The following ZNF574 variants were observed in gnomAD, a reference collection of about 807,000 sequenced individuals.
ZNF574 encodes zinc finger protein 574.
In ZNF574, 25 loss-of-function variants were observed where a neutral mutation model predicts 56.6. The ratio of observed to expected loss-of-function variants is 0.44; its 90% confidence interval spans 0.32 to 0.62. The LOEUF is 0.62. Among genes scored for constraint, ZNF574 ranks in the 20% least tolerant of loss-of-function variants. ZNF574 has a pLI of 0.04. For synonymous variants in ZNF574, 543 were observed against 492.1 expected (o/e 1.10, Z -1.37); for missense variants, 1,065 against 1,218.9 (o/e 0.87, Z 1.88).
At chr19:42,078,456 G>A in intron 1 of ZNF574, 131 bp from the exon 2 acceptor site, 2 of 790,526 alleles carry the variant, frequency 2.5e-6, no homozygotes, top group East Asian at 5.0e-5. Context: ...TGGGAGGGAG[G>A]CAGAATTTTA....
upstream of ZNF574, among the ~76,000 whole-genome samples, chr19:42,073,262 TTC>T (rs2076436320): frequency 6.6e-6 from 1 of 152,226 alleles, no homozygotes; most frequent in Non-Finnish European, 1.5e-5. Flanking sequence ...GCATGACAGT[TTC>T]TCTCTCATAG....
At chr19:42,071,400 C>T (rs978366922), upstream of ZNF574, among the ~76,000 whole-genome samples, 3 of 152,258 alleles carry the variant, frequency 2.0e-5, no homozygotes, top group East Asian at 5.8e-4. Context: ...GACACTGACA[C>T]ACTCACGTGC....
intron 1 of ZNF574, among the ~76,000 whole-genome samples, chr19:42,076,856 GTTAAA>G (rs1391239006): frequency 6.6e-6 from 1 of 152,104 alleles, no homozygotes. Flanking sequence ...AATGGATGGG[GTTAAA>G]TTAATGTGAA....
chr19:42,079,316 T>C lies in ZNF574; in HGVS notation c.710T>C (p.Phe237Ser), dbSNP rs756650458. 1 of 1,613,802 alleles carries C rather than the reference T, an allele frequency of 6.2e-7. No homozygotes were observed. Among genetic ancestry groups the C allele is most frequent in the Non-Finnish European group, 8.5e-7 (1 of 1,179,916 alleles). The change falls in exon 2 of 2, where the codon TTC becomes TCC. Residue 237 changes from phenylalanine (F) to serine (S), a missense_variant. By Grantham distance (155) the Phe-to-Ser change is radical (BLOSUM62 -2). Transcript: ENST00000359044. This position sits in a 1 kb window ranked among gnomAD's most constrained non-coding sequence, Gnocchi z 4.3. Reference protein sequence around the residue: ...ADFLEHQATHFPAPVPESQEP... With the variant: ...ADFLEHQATHSPAPVPESQEP... ...TTCCTGGAGCACCAGGCCACTCACTTCCCTGCTCCTGTACCCGAGTCTCAG... is the reference window on the plus strand; with the variant it reads ...TTCCTGGAGCACCAGGCCACTCACTCCCCTGCTCCTGTACCCGAGTCTCAG...
In ZNF574 at chr19:42,079,729, A is replaced by G. The variant is rs778036814; in HGVS notation, c.1123A>G (p.Thr375Ala). The G allele has an allele frequency of 6.2e-7, 1 of 1,614,154 alleles. No individual in the cohort carries two copies. Among genetic ancestry groups the G allele is most frequent in the South Asian group, 1.1e-5 (1 of 91,084 alleles). The change falls in exon 2 of 2, where the codon ACA (threonine) becomes GCA (alanine). Residue 375 changes from threonine to alanine, a missense_variant. Transcript: ENST00000359044. This position sits in a 1 kb window ranked among gnomAD's most constrained non-coding sequence, Gnocchi z 4.3. The part of the protein sequence containing the change: ...LCVDCGLAFG[T>A]EALLLAHRRA... The stretch of plus-strand genomic sequence containing the variant: ...TGTAGACTGTGGCCTGGCCTTCGGC[A>G]CAGAGGCCCTCCTCCTGGCCCACCG...
In ZNF574 at chr19:42,078,665, A is replaced by G; in HGVS notation, c.59A>G (p.Glu20Gly). ...ATTGAGCACCGCTATGTCTGCTCTG[A>G]GTGCAACCAGCTGTATGGATCACTG... Reference protein sequence around the residue: ...LYIEHRYVCSECNQLYGSLEE... With the variant: ...LYIEHRYVCSGCNQLYGSLEE... Residue 20 changes from glutamate to glycine, a missense_variant, in exon 2 of 2, where the codon GAG becomes GGG. Transcript: ENST00000359044. 2 of 1,614,080 alleles carry G rather than the reference A, an allele frequency of 1.2e-6. No individual in the cohort carries two copies. The highest frequency in any genetic ancestry group is 1.7e-6 in the Non-Finnish European group (2 of 1,179,978).
chr19:42,079,408 C>G lies in ZNF574; in HGVS notation c.802C>G (p.Pro268Ala). ...AGAGGTGCCTGTGTCTCAGCCTGAC[C>G]CCTTGCCAGCTTCTGACCACAGTTA... is the stretch of plus-strand genomic sequence containing the variant. ...PAEVPVSQPD[P>A]LPASDHSYEL... The change falls in exon 2 of 2, where the codon CCC becomes GCC. Residue 268 changes from proline to alanine, a missense_variant. Coordinates refer to ENST00000359044, the MANE Select transcript of ZNF574 (RefSeq NM_022752.6). The surrounding 1 kb of genome is among the most constrained non-coding windows in gnomAD (Gnocchi z 4.3). The G allele has an allele frequency of 6.2e-7, 1 of 1,613,682 alleles. No homozygotes were observed.
upstream of ZNF574, among the ~76,000 whole-genome samples, chr19:42,072,779 T>C (rs1181088909): frequency 6.6e-6 from 1 of 152,202 alleles, no homozygotes; most frequent in Non-Finnish European, 1.5e-5. Flanking sequence ...TTGGTCAGGC[T>C]GGTCTTGAAC....
intron 1 of ZNF574, among the ~76,000 whole-genome samples, chr19:42,077,145 C>T (rs1036073832): frequency 1.3e-5 from 2 of 151,750 alleles, no homozygotes; most frequent in African/African-American, 2.4e-5. Flanking sequence ...GTTGCTAAGA[C>T]GCTGGGGGGT....
chr19:42,072,600 CTT>C (rs1568940981), upstream of ZNF574, among the ~76,000 whole-genome samples: 1 of 145,948 alleles, frequency 6.9e-6, no homozygotes. Flanking sequence ...GAGTTTCGCT[CTT>C]GTTGCCTAGG....
rs748647706 is a variant in ZNF574, at chr19:42,080,658, A to C, written c.2052A>C (p.Ala684=). The change falls in exon 2 of 2, where the codon GCA becomes GCC. Residue 684 remains alanine, a synonymous_variant. Coordinates refer to ENST00000359044, the MANE Select transcript of ZNF574 (RefSeq NM_022752.6). This position sits in a 1 kb window ranked among gnomAD's most constrained non-coding sequence, Gnocchi z 8.5. ...TGGGCTCAGCTGCTCGACTGCAGGCACACGAGGCGGCCCATGCAGCTGCTG... is the reference window on the plus strand; with the variant it reads ...TGGGCTCAGCTGCTCGACTGCAGGCCCACGAGGCGGCCCATGCAGCTGCTG... The part of the protein sequence containing the change: ...KKVGSAARLQ[A]HEAAHAAAGP... The C allele has an allele frequency of 9.9e-6, 16 of 1,613,002 alleles. No homozygotes were observed. The highest frequency in any genetic ancestry group is 2.7e-5 in the African/African-American group (2 of 74,924).
chr19:42,069,576 G>C (rs1372592036), intron 1 of ZNF574: 1 of 139,992 alleles, frequency 7.1e-6, no homozygotes, highest in Admixed American at 7.0e-5. Context: ...CGGAAGGGGG[G>C]GGCACAGGCA....
chr19:42,068,836 G>C, exon 1 of ZNF574: 2 of 665,574 alleles, frequency 3.0e-6, no homozygotes, highest in Non-Finnish European at 5.5e-6. Context: ...GAGACTGGAC[G>C]GGGTGGGGAC....
At position 42,079,819 on chromosome 19, in the gene ZNF574, A is replaced by G. The variant is rs2076483995; in HGVS notation, c.1213A>G (p.Lys405Glu). The change falls in exon 2 of 2, where the codon AAG (lysine) becomes GAG (glutamate). Residue 405 changes from lysine (K) to glutamate (E), a missense_variant. Transcript: ENST00000359044. The surrounding 1 kb of genome is among the most constrained non-coding windows in gnomAD (Gnocchi z 4.3). The part of the protein sequence containing the change: ...PCGKTFVNLT[K>E]FLYHRRTHGV... ...TGGGAAGACCTTTGTCAACCTTACC[A>G]AGTTCCTTTATCACCGGCGTACTCA... The G allele has an allele frequency of 1.2e-6, 2 of 1,614,058 alleles. No individual in the cohort carries two copies. The highest frequency in any genetic ancestry group is 4.5e-5 in the East Asian group (2 of 44,848).
chr19:42,078,584 C>T lies in ZNF574; in HGVS notation c.-20-3C>T. ...GGTTTGTCCCCACTGTCTCCTCTTCCAGCCCAGGGCCTTGCTGCCGCCATG... is the reference window on the plus strand; with the variant it reads ...GGTTTGTCCCCACTGTCTCCTCTTCTAGCCCAGGGCCTTGCTGCCGCCATG... On this transcript the variant is annotated splice_region_variant and splice_polypyrimidine_tract_variant and intron_variant, in intron 1 of 1. Transcript: ENST00000359044. 6.3e-7 allele frequency: 1 copy of T among 1,597,386 alleles called. No homozygotes were observed. The highest frequency in any genetic ancestry group is 8.6e-7 in the Non-Finnish European group (1 of 1,168,922).
chr19:42,076,122 C>A (rs1318658223), upstream of ZNF574: 1 of 152,412 alleles, frequency 6.6e-6, no homozygotes, highest in Non-Finnish European at 1.5e-5. Context: ...GTGCGGCGGC[C>A]GAGGAGGAAG....
chr19:42,078,751 G>A lies in ZNF574; in HGVS notation c.145G>A (p.Val49Met), dbSNP rs764625106. 1.7e-5 allele frequency: 28 copies of A among 1,613,958 alleles called. No homozygotes were observed. In the Admixed American group the frequency reaches 2.0e-4, roughly 12 times the overall value. ...CCAGCAGCACTTTGAGCTGGTGGGC[G>A]TGGCTGATCCCGGAGTCACTGTGGC... ...VPQQHFELVG[V>M]ADPGVTVATD... Residue 49 changes from valine to methionine, a missense_variant, in exon 2 of 2, where the codon GTG becomes ATG. Val to Met is a conservative substitution (Grantham distance 21). Transcript: ENST00000359044.
At chr19:42,068,861 C>A (rs1436936711) in exon 1 of ZNF574, 1 of 683,264 alleles carries the variant, frequency 1.5e-6, no homozygotes, top group East Asian at 2.8e-5. Context: ...CCAAGGCCCA[C>A]CGCAGGCAGA....
At chr19:42,070,770 G>A (rs1369868762) in intron 1 of ZNF574, 1 of 152,624 alleles carries the variant, frequency 6.6e-6, no homozygotes, top group African/African-American at 2.4e-5. Context: ...AGACACAAGA[G>A]AGAGGCCCCT....
Sources: allele counts gnomAD v4.1 joint callset (sites outside exome capture counted in the v4.1 genomes callset), GRCh38; gene constraint gnomAD v4.1.1; non-coding constraint Gnocchi (gnomAD v3.1); transcripts MANE v1.5; gene names NCBI Gene and HGNC (gene_info 2026-07-23, HGNC 2026-07-21).